The following VTI1A variants were observed in gnomAD, a reference collection of about 807,000 sequenced individuals.
The protein encoded by VTI1A is vesicle transport through interaction with t-SNAREs 1A, also known as vesicle transport through interaction with t-SNAREs homolog 1A.
In VTI1A, 22 loss-of-function variants were observed where a neutral mutation model predicts 34.9. That is an observed-to-expected ratio of 0.63 (90% CI 0.45 to 0.90). The LOEUF (loss-of-function observed/expected upper bound fraction) is 0.90. VTI1A is among the 40% of genes least tolerant of loss of function. The pLI is 0.00. For missense variants in VTI1A, 268 were observed against 275.6 expected (o/e 0.97, Z 0.20); for synonymous variants, 87 against 97.3 (o/e 0.89, Z 0.62).
chr10:112,846,999 C>T, the VTI1A span, among the ~76,000 whole-genome samples: 1 of 152,144 alleles, frequency 6.6e-6, no homozygotes, highest in Non-Finnish European at 1.5e-5. Context: ...ACCTCCAGAA[C>T]TGTAAGATAA....
chr10:112,543,490 C>G (rs1850946516), intron 5 of VTI1A, among the ~76,000 whole-genome samples: 1 of 152,182 alleles, frequency 6.6e-6, no homozygotes, highest in South Asian at 2.1e-4. Flanking sequence ...TGAGAAGTGT[C>G]TGTTCATATC....
chr10:112,576,211 G>C (rs1843706429), intron 5 of VTI1A, among the ~76,000 whole-genome samples: 1 of 150,464 alleles, frequency 6.6e-6, no homozygotes, highest in Non-Finnish European at 1.5e-5. Flanking sequence ...TAGTAGAGAC[G>C]GGGTTTCACC....
chr10:112,518,435 G>C lies in VTI1A; in HGVS notation c.265-8652G>C, dbSNP rs186419007. Among the ~76,000 whole-genome samples the C allele has an allele frequency of 6.0e-4, 91 of 151,756 alleles. 1 individual carries two copies. In the East Asian group the frequency reaches 0.016, roughly 26 times the overall value. On this transcript the variant is annotated intron_variant, in intron 3 of 7. Transcript: ENST00000393077. The stretch of plus-strand genomic sequence containing the variant: ...ATGTAGAATGAAATAACTGCCAGGT[G>C]CTGTGGCTTATACCTGTAACCCCAG...
the VTI1A span, among the ~76,000 whole-genome samples, chr10:112,829,672 T>C: frequency 6.6e-6 from 1 of 152,050 alleles, no homozygotes; most frequent in Non-Finnish European, 1.5e-5. Flanking sequence ...GAGAACCGCT[T>C]GAACCCGGGA....
chr10:112,759,996 A>G (rs368511502), intron 7 of VTI1A, among the ~76,000 whole-genome samples: 7 of 152,352 alleles, frequency 4.6e-5, no homozygotes, highest in South Asian at 2.1e-4. Context: ...TCAATTCCCA[A>G]TGGGGAATAC....
At chr10:112,754,002 C>T (rs920101693) in intron 7 of VTI1A, among the ~76,000 whole-genome samples, 2 of 152,140 alleles carry the variant, frequency 1.3e-5, no homozygotes, top group African/African-American at 2.4e-5. Context: ...AGATCCAGCA[C>T]GCAGACGTCT....
chr10:112,606,021 CTTTTTTTCT>C (rs1564845694), intron 5 of VTI1A, among the ~76,000 whole-genome samples: 5 of 102,464 alleles, frequency 4.9e-5, no homozygotes, highest in African/African-American at 1.2e-4. Flanking sequence ...TTCTTTTTTT[CTTTTTTTCT>C]TTTTTTTTTT....
intron 5 of VTI1A, among the ~76,000 whole-genome samples, chr10:112,642,465 T>A (rs977568956): frequency 3.3e-5 from 5 of 152,196 alleles, no homozygotes; most frequent in Non-Finnish European, 7.3e-5. Flanking sequence ...GGTTCAAAAT[T>A]ATAGTAACAT....
At chr10:112,728,352 C>T (rs1850121006) in intron 7 of VTI1A, among the ~76,000 whole-genome samples, 1 of 152,216 alleles carries the variant, frequency 6.6e-6, no homozygotes, top group South Asian at 2.1e-4. Context: ...ACTAAGTGAG[C>T]TATAAATTTT....
intron 7 of VTI1A, among the ~76,000 whole-genome samples, chr10:112,687,920 A>G (rs1848477796): frequency 6.8e-6 from 1 of 148,006 alleles, no homozygotes; most frequent in Non-Finnish European, 1.5e-5. Flanking sequence ...TGGACATGAT[A>G]TGGAACCATC....
At chr10:112,726,246 C>T (rs1850023083) in intron 7 of VTI1A, among the ~76,000 whole-genome samples, 1 of 152,132 alleles carries the variant, frequency 6.6e-6, no homozygotes, top group African/African-American at 2.4e-5. Flanking sequence ...TGCCTTCATC[C>T]TCTCCTTCTA....
intron 5 of VTI1A, among the ~76,000 whole-genome samples, chr10:112,560,886 C>T (rs557789560): frequency 6.6e-6 from 1 of 152,102 alleles, no homozygotes; most frequent in Non-Finnish European, 1.5e-5. Context: ...CGTGAGCCAC[C>T]GCGCCTGGCC....
chr10:112,746,363 T>G (rs941380651), intron 7 of VTI1A, among the ~76,000 whole-genome samples: 1 of 152,192 alleles, frequency 6.6e-6, no homozygotes, highest in African/African-American at 2.4e-5. Flanking sequence ...TGGGACACTC[T>G]TAATTAGAAG....
At chr10:112,739,016 C>T (rs1850596495) in intron 7 of VTI1A, among the ~76,000 whole-genome samples, 1 of 152,154 alleles carries the variant, frequency 6.6e-6, no homozygotes, top group Admixed American at 6.5e-5. Flanking sequence ...CAGAGGCCAT[C>T]ATGCTGCCAA....
At chr10:112,543,890 C>T (rs139030145) in intron 5 of VTI1A, among the ~76,000 whole-genome samples, 6,165 of 152,100 alleles carry the variant, frequency 0.041, 423 homozygotes, top group African/African-American at 0.14. Context: ...TTCAACTTTC[C>T]AGATATGGCT....
the VTI1A span, among the ~76,000 whole-genome samples, chr10:112,830,835 A>T: frequency 2.2e-5 from 1 of 45,756 alleles, no homozygotes; most frequent in Admixed American, 2.8e-4. Context: ...ATATATATAT[A>T]TATATATATA....
At chr10:112,616,250 T>C (rs1373455894) in intron 5 of VTI1A, among the ~76,000 whole-genome samples, 2 of 152,126 alleles carry the variant, frequency 1.3e-5, no homozygotes, top group Non-Finnish European at 2.9e-5. Flanking sequence ...AGCACTGCAA[T>C]CAGGAATCTA....
At chr10:112,815,201 G>A (rs1313791987) in intron 7 of VTI1A, 89 bp from the exon 8 acceptor site, 19 of 471,394 alleles carry the variant, frequency 4.0e-5, no homozygotes, top group South Asian at 9.8e-5. Context: ...CAAAGCTGCC[G>A]TTTGATTAGC....
chr10:112,548,082 G>T (rs748819920), intron 5 of VTI1A, among the ~76,000 whole-genome samples: 2 of 152,106 alleles, frequency 1.3e-5, no homozygotes, highest in Non-Finnish European at 2.9e-5. Context: ...TTGTTTCCAA[G>T]TCTTGACTGA....
Sources: allele counts gnomAD v4.1 joint callset (sites outside exome capture counted in the v4.1 genomes callset), GRCh38; gene constraint gnomAD v4.1.1; transcripts MANE v1.5; gene names NCBI Gene and HGNC (gene_info 2026-07-23, HGNC 2026-07-21).